Variants in USH2A observed in about 807,000 individuals in gnomAD.
USH2A encodes usherin.
In USH2A, 443 loss-of-function variants were observed where a neutral mutation model predicts 538.9. The ratio of observed to expected loss-of-function variants is 0.82; its 90% CI spans 0.76 to 0.89. The LOEUF (loss-of-function observed/expected upper bound fraction) is 0.89, where lower values mean the gene tolerates loss of function less well. USH2A is among the 40% of genes least tolerant of loss of function. The pLI is 0.00. For synonymous variants in USH2A, 2,413 were observed against 2,273.5 expected (o/e 1.06, Z -1.75); for missense variants, 6,633 against 6,324.8 (o/e 1.05, Z -1.65).
At chr1:216,297,416 C>T (rs1405027262) in intron 9 of USH2A, among the ~76,000 whole-genome samples, 1 of 152,078 alleles carries the variant, frequency 6.6e-6, no homozygotes, top group African/African-American at 2.4e-5. Context: ...ATGAAGATAA[C>T]TTAATAGAAT....
intron 3 of USH2A, among the ~76,000 whole-genome samples, chr1:216,375,114 C>A (rs2038793721): frequency 6.6e-6 from 1 of 151,966 alleles, no homozygotes; most frequent in Non-Finnish European, 1.5e-5. Context: ...TTCTATAAAC[C>A]ATTGACCCTT....
At chr1:216,264,210 C>T (rs769208283) in intron 11 of USH2A, among the ~76,000 whole-genome samples, 36 of 152,042 alleles carry the variant, frequency 2.4e-4, no homozygotes, top group Admixed American at 4.6e-4. Context: ...AATATGATTC[C>T]TATCAAAATA....
At chr1:215,636,301 T>TTC (rs1485054410) in intron 69 of USH2A, among the ~76,000 whole-genome samples, 1 of 152,160 alleles carries the variant, frequency 6.6e-6, no homozygotes, top group East Asian at 1.9e-4. Context: ...CAGGAACAGA[T>TTC]GGTGACTAAA....
chr1:216,335,561 A>G (rs1156845901), intron 4 of USH2A, among the ~76,000 whole-genome samples: 1 of 151,584 alleles, frequency 6.6e-6, no homozygotes. Flanking sequence ...AGATGACTCT[A>G]ATGATTAAAA....
At chr1:216,325,770 A>G (rs980857686) in intron 5 of USH2A, among the ~76,000 whole-genome samples, 171 bp from the exon 6 acceptor site, 9 of 152,212 alleles carry the variant, frequency 5.9e-5, no homozygotes, top group Non-Finnish European at 1.3e-4. Context: ...CCAAATAAAC[A>G]AATTCATTAT....
intron 34 of USH2A, among the ~76,000 whole-genome samples, chr1:215,995,966 C>A (rs1389522976): frequency 6.6e-6 from 1 of 152,016 alleles, no homozygotes; most frequent in Non-Finnish European, 1.5e-5. Flanking sequence ...GGCTGGAGTG[C>A]AGTGGCAGAT....
chr1:216,098,470 C>G (rs1049635971), intron 21 of USH2A, among the ~76,000 whole-genome samples: 3 of 152,168 alleles, frequency 2.0e-5, no homozygotes, highest in East Asian at 3.9e-4. Context: ...GATCTTCCTT[C>G]AGGCTGGGCT....
intron 1 of USH2A, among the ~76,000 whole-genome samples, chr1:216,422,771 A>AT (rs2102790088): frequency 6.6e-6 from 1 of 151,944 alleles, no homozygotes; most frequent in East Asian, 1.9e-4. Flanking sequence ...TAATATTTAT[A>AT]ACCAGTTATA....
intron 32 of USH2A, among the ~76,000 whole-genome samples, chr1:216,015,414 A>C (rs1668684282): frequency 6.6e-6 from 1 of 152,198 alleles, no homozygotes; most frequent in African/African-American, 2.4e-5. Context: ...CTGACCTTAT[A>C]ATTAATAAAA....
At chr1:215,985,117 C>T (rs1667842025) in intron 35 of USH2A, among the ~76,000 whole-genome samples, 1 of 152,228 alleles carries the variant, frequency 6.6e-6, no homozygotes, top group South Asian at 2.1e-4. Flanking sequence ...GTTCTATAAT[C>T]CATTTCACTT....
intron 47 of USH2A, among the ~76,000 whole-genome samples, chr1:215,833,929 G>T (rs1429644043): frequency 6.6e-6 from 1 of 152,040 alleles, no homozygotes; most frequent in Non-Finnish European, 1.5e-5. Flanking sequence ...ATGCCAAAGT[G>T]CATGCAAAAA....
chr1:216,171,018 CT>C (rs1250006958), intron 21 of USH2A, among the ~76,000 whole-genome samples: 2 of 151,148 alleles, frequency 1.3e-5, no homozygotes, highest in African/African-American at 2.5e-5. Flanking sequence ...TAATTTTCTG[CT>C]TTTTTTATAA....
chr1:216,144,951 T>C (rs962983982), intron 21 of USH2A, among the ~76,000 whole-genome samples: 3 of 152,162 alleles, frequency 2.0e-5, no homozygotes, highest in Non-Finnish European at 4.4e-5. Context: ...AAATAGGAAA[T>C]GTATTATCCA....
chr1:216,212,763 C>G (rs1478934786), intron 15 of USH2A, among the ~76,000 whole-genome samples: 2 of 151,440 alleles, frequency 1.3e-5, no homozygotes, highest in Non-Finnish European at 2.9e-5. Flanking sequence ...AGTAATTGTT[C>G]AATAAATATC....
intron 11 of USH2A, among the ~76,000 whole-genome samples, chr1:216,275,280 C>A (rs2102586831): frequency 6.6e-6 from 1 of 152,122 alleles, no homozygotes; most frequent in South Asian, 2.1e-4. Flanking sequence ...CACAACTATA[C>A]AGTGTGGTCT....
At chr1:215,650,540 G>C in intron 65 of USH2A, 52 bp downstream of exon 65, 1 of 1,601,728 alleles carries the variant, frequency 6.2e-7, no homozygotes, top group Non-Finnish European at 8.6e-7. Context: ...AGGTTTCATA[G>C]TAATGATTTT....
At chr1:215,802,340 G>A (rs956240468) in intron 49 of USH2A, among the ~76,000 whole-genome samples, 3 of 151,982 alleles carry the variant, frequency 2.0e-5, no homozygotes, top group African/African-American at 7.2e-5. Flanking sequence ...GGCAACTCAT[G>A]AGAAAATATA....
chr1:215,997,549 G>GTATGTATTT (rs1444195504), intron 34 of USH2A, among the ~76,000 whole-genome samples: 8 of 151,630 alleles, frequency 5.3e-5, no homozygotes, highest in African/African-American at 1.9e-4. Flanking sequence ...TAATCTACTA[G>GTATGTATTT]TATGTATTTT....
chr1:215,924,142 T>C, intron 38 of USH2A, among the ~76,000 whole-genome samples: 1 of 152,142 alleles, frequency 6.6e-6, no homozygotes, highest in South Asian at 2.1e-4. Context: ...TAAGAGGGAT[T>C]AATCTAATAA....
Sources: allele counts gnomAD v4.1 joint callset (sites outside exome capture counted in the v4.1 genomes callset), GRCh38; gene constraint gnomAD v4.1.1; transcripts MANE v1.5; gene names NCBI Gene and HGNC (gene_info 2026-07-23, HGNC 2026-07-21).